TRIO: variants seen among roughly 807,000 people sequenced by gnomAD.
The protein encoded by TRIO is trio Rho guanine nucleotide exchange factor.
TRIO carries 58 observed loss-of-function variants against 351.9 expected under a neutral mutation model. The ratio of observed to expected loss-of-function variants is 0.16; its 90% CI spans 0.13 to 0.21. TRIO has a LOEUF of 0.21. Ranked by LOEUF, TRIO falls within the 10% of genes least tolerant of loss-of-function variation. TRIO has a pLI of 1.00. For missense variants in TRIO, 3,201 were observed against 4,027.8 expected, an observed-to-expected ratio of 0.79 and a Z score of 5.56; for synonymous variants, 1,758 against 1,595.7, an observed-to-expected ratio of 1.10 and a Z score of -2.42.
chr5:14,348,980 T>C (rs1263985382), intron 11 of TRIO, among the ~76,000 whole-genome samples: 1 of 151,630 alleles, frequency 6.6e-6, no homozygotes, highest in Non-Finnish European at 1.5e-5. Context: ...TTCCTGTGTG[T>C]ATATGTGTGC....
chr5:14,360,323 A>G (rs1298495316), intron 13 of TRIO, among the ~76,000 whole-genome samples: 5 of 152,168 alleles, frequency 3.3e-5, no homozygotes, highest in South Asian at 2.1e-4. Flanking sequence ...TTTTGATACC[A>G]TGCGAGCAGA....
At chr5:14,316,218 A>G (rs1739368367) in intron 8 of TRIO, among the ~76,000 whole-genome samples, 1 of 152,248 alleles carries the variant, frequency 6.6e-6, no homozygotes, top group Non-Finnish European at 1.5e-5. Flanking sequence ...ATTGAGTGGT[A>G]TCTACTACAG....
intron 1 of TRIO, among the ~76,000 whole-genome samples, chr5:14,250,480 G>A (rs1168574014): frequency 6.6e-6 from 1 of 152,194 alleles, no homozygotes; most frequent in Non-Finnish European, 1.5e-5. Context: ...CTTGTACAGC[G>A]CTATGGAGCC....
At chr5:14,481,377 G>T in intron 44 of TRIO, 93 bp downstream of exon 44, 2 of 1,551,370 alleles carry the variant, frequency 1.3e-6, no homozygotes, top group South Asian at 2.3e-5. Context: ...GCCCTGGGAG[G>T]GGGTCAAAGC....
At chr5:14,222,855 G>A (rs1485265581) in intron 1 of TRIO, among the ~76,000 whole-genome samples, 1 of 152,218 alleles carries the variant, frequency 6.6e-6, no homozygotes, top group Non-Finnish European at 1.5e-5. Flanking sequence ...GCGCGGGCTT[G>A]GTAGGGCAGC....
chr5:14,332,691 A>C (rs578066847), intron 10 of TRIO, among the ~76,000 whole-genome samples: 2 of 152,138 alleles, frequency 1.3e-5, no homozygotes, highest in Admixed American at 6.5e-5. Flanking sequence ...TCCTTATTAA[A>C]AATACTTCCA....
chr5:14,418,281 G>T (rs1290963571), intron 33 of TRIO, among the ~76,000 whole-genome samples: 1 of 152,126 alleles, frequency 6.6e-6, no homozygotes, highest in East Asian at 1.9e-4. Context: ...TAAGGCCTTT[G>T]TGTGTGAGGG....
At chr5:14,252,126 C>G (rs190819642) in intron 1 of TRIO, among the ~76,000 whole-genome samples, 1 of 152,186 alleles carries the variant, frequency 6.6e-6, no homozygotes, top group Non-Finnish European at 1.5e-5. Flanking sequence ...CAATTTTGTG[C>G]CTTGTTCAAG....
At chr5:14,372,965 G>A (rs1262614053) in intron 18 of TRIO, among the ~76,000 whole-genome samples, 2 of 152,192 alleles carry the variant, frequency 1.3e-5, no homozygotes, top group Non-Finnish European at 2.9e-5. Context: ...GGACAGGGGA[G>A]GCCTCAGAAA....
chr5:14,252,594 G>T (rs1055202874), intron 1 of TRIO, among the ~76,000 whole-genome samples: 2 of 152,206 alleles, frequency 1.3e-5, no homozygotes, highest in Non-Finnish European at 2.9e-5. Flanking sequence ...AAGATTGCAG[G>T]AGAGCCCAGG....
intron 1 of TRIO, among the ~76,000 whole-genome samples, chr5:14,159,954 A>G (rs1333248837): frequency 3.9e-5 from 6 of 152,198 alleles, no homozygotes; most frequent in Admixed American, 3.3e-4. Context: ...TAAAACAGAA[A>G]CGGCATTAAT....
intron 49 of TRIO, among the ~76,000 whole-genome samples, chr5:14,493,730 C>T (rs1243599186): frequency 6.6e-6 from 1 of 152,218 alleles, no homozygotes; most frequent in Non-Finnish European, 1.5e-5. Context: ...GTGAGGAAGG[C>T]ATGCCAAAAG....
intron 13 of TRIO, 49 bp downstream of exon 13, chr5:14,359,580 T>A: frequency 1.3e-6 from 2 of 1,597,022 alleles, no homozygotes; most frequent in African/African-American, 1.3e-5. Context: ...GCCCTTGGCT[T>A]CCTCCACAGC....
intron 2 of TRIO, among the ~76,000 whole-genome samples, chr5:14,274,259 T>G (rs912966987): frequency 6.6e-6 from 1 of 152,194 alleles, no homozygotes; most frequent in Non-Finnish European, 1.5e-5. Context: ...AATCCAGGTG[T>G]CTTCCTGTGG....
At chr5:14,283,763 TAAAC>T (rs545529035) in intron 3 of TRIO, among the ~76,000 whole-genome samples, 230 of 151,606 alleles carry the variant, frequency 1.5e-3, no homozygotes, top group Admixed American at 3.3e-3. Context: ...CTTTTTTTTT[TAAAC>T]AAACAAACAA....
intron 1 of TRIO, among the ~76,000 whole-genome samples, chr5:14,192,845 AAT>A (rs1251932010): frequency 1.3e-5 from 2 of 152,350 alleles, no homozygotes; most frequent in East Asian, 1.9e-4. Context: ...GGTGTCTGTT[AAT>A]TTTTATGATG....
chr5:14,150,655 C>T (rs899836411), intron 1 of TRIO, among the ~76,000 whole-genome samples: 6 of 152,048 alleles, frequency 3.9e-5, no homozygotes, highest in South Asian at 2.1e-4. Flanking sequence ...CACTCATAAT[C>T]GAGGAAATGC....
chr5:14,458,862 C>T (rs181732091), intron 34 of TRIO, among the ~76,000 whole-genome samples: 237 of 152,300 alleles, frequency 1.6e-3, no homozygotes, highest in African/African-American at 5.4e-3. Context: ...GAATGGATTT[C>T]ATTCTTTTCC....
intron 8 of TRIO, among the ~76,000 whole-genome samples, chr5:14,310,149 C>T (rs369311204): frequency 1.3e-5 from 2 of 152,156 alleles, no homozygotes; most frequent in East Asian, 1.9e-4. Flanking sequence ...GCAGTGTAAA[C>T]GTCGGAGATA....
Sources: allele counts gnomAD v4.1 joint callset (sites outside exome capture counted in the v4.1 genomes callset), GRCh38; gene constraint gnomAD v4.1.1; transcripts MANE v1.5; gene names NCBI Gene and HGNC (gene_info 2026-07-23, HGNC 2026-07-21).